The following ZBTB38 variants were observed in gnomAD, a reference collection of about 807,000 sequenced individuals.
ZBTB38 encodes the protein zinc finger and BTB domain-containing protein 38.
ZBTB38 carries 20 observed loss-of-function variants against 76.8 expected under a neutral mutation model. The ratio of observed to expected loss-of-function variants is 0.26; its 90% CI spans 0.18 to 0.38. The LOEUF (loss-of-function observed/expected upper bound fraction) is 0.38. Among genes scored for constraint, ZBTB38 ranks in the 10% least tolerant of loss-of-function variants. ZBTB38 has a pLI of 1.00. For missense variants in ZBTB38, 1,082 were observed against 1,482.3 expected, an observed-to-expected ratio of 0.73 and a Z score of 4.43; for synonymous variants, 504 against 544.2, an observed-to-expected ratio of 0.93 and a Z score of 1.03.
intron 1 of ZBTB38, among the ~76,000 whole-genome samples, chr3:141,347,339 C>T (rs995211858): frequency 3.9e-5 from 6 of 152,108 alleles, no homozygotes; most frequent in African/African-American, 1.4e-4. Context: ...CTCATTTGAA[C>T]CTGATCTGAA....
At chr3:141,352,168 T>A (rs1011887958) in intron 1 of ZBTB38, among the ~76,000 whole-genome samples, 1 of 152,126 alleles carries the variant, frequency 6.6e-6, no homozygotes, top group Non-Finnish European at 1.5e-5. Flanking sequence ...ATAATTTTTT[T>A]ATATATCAAG....
intron 5 of ZBTB38, among the ~76,000 whole-genome samples, chr3:141,428,398 C>T (rs1300663930): frequency 6.6e-6 from 1 of 152,192 alleles, no homozygotes; most frequent in Non-Finnish European, 1.5e-5. Flanking sequence ...GCTCAGTTAC[C>T]ACATCTGTAC....
intron 1 of ZBTB38, among the ~76,000 whole-genome samples, chr3:141,331,405 AC>A (rs1462622171): frequency 6.6e-6 from 1 of 152,208 alleles, no homozygotes. Context: ...CTAATATGTC[AC>A]CATCAAATTG....
intron 3 of ZBTB38, chr3:141,386,327 T>G (rs1042583812): frequency 2.6e-5 from 4 of 152,208 alleles, no homozygotes; most frequent in Non-Finnish European, 5.9e-5. Flanking sequence ...TTTTAAAAAA[T>G]CCATTCACAT....
At chr3:141,338,747 T>G (rs1576642844) in intron 1 of ZBTB38, among the ~76,000 whole-genome samples, 1 of 152,116 alleles carries the variant, frequency 6.6e-6, no homozygotes, top group African/African-American at 2.4e-5. Flanking sequence ...CCCTGTGACA[T>G]GCAATTTGCC....
At chr3:141,378,154 G>T (rs1464643843) in intron 2 of ZBTB38, among the ~76,000 whole-genome samples, 1 of 151,146 alleles carries the variant, frequency 6.6e-6, no homozygotes, top group African/African-American at 2.5e-5. Flanking sequence ...CCCCCAGCCT[G>T]GGTGACAGAG....
At chr3:141,434,426 T>G in intron 5 of ZBTB38, among the ~76,000 whole-genome samples, 2 of 150,972 alleles carry the variant, frequency 1.3e-5, no homozygotes, top group South Asian at 2.1e-4. Context: ...TTGTAGGGAG[T>G]GGGGAGGCTA....
Position 141,445,836 on chromosome 3 carries a change from A to C in ZBTB38, c.3448A>C (p.Lys1150Gln). The change falls in exon 6 of 6, where the codon AAA becomes CAA. Residue 1150 changes from lysine (K) to glutamine (Q), a missense_variant. By Grantham distance (53) the Lys-to-Gln change is moderately conservative. Around this residue, in one of 8 missense-constraint regions of ZBTB38, gnomAD observed 54 missense variants for 57.9 expected, o/e 0.93. Coordinates refer to ENST00000321464, the MANE Select transcript of ZBTB38 (RefSeq NM_001376113.1). The surrounding 1 kb of genome is among the most constrained non-coding windows in gnomAD (Gnocchi z 6.5). The stretch of plus-strand genomic sequence containing the variant: ...AATGCACCAAAAGAAACACTTATTC[A>C]AAAGCCCAAGTCAGCAGGAGAAAAT... ...LGMHQKKHLF[K>Q]SPSQQEKIGD... 6.2e-7 allele frequency: 1 copy of C among 1,614,158 alleles called. No individual in the cohort carries two copies. The highest frequency in any genetic ancestry group is 8.5e-7 in the Non-Finnish European group (1 of 1,180,048).
intron 5 of ZBTB38, chr3:141,427,759 A>AGCC (rs2076674522): frequency 2.0e-5 from 3 of 152,368 alleles, no homozygotes; most frequent in African/African-American, 7.2e-5. Flanking sequence ...CCTGACCGGC[A>AGCC]GGTCCCTAGC....
At chr3:141,381,872 G>C (rs944540158) in intron 3 of ZBTB38, among the ~76,000 whole-genome samples, 1 of 152,148 alleles carries the variant, frequency 6.6e-6, no homozygotes, top group Non-Finnish European at 1.5e-5. Flanking sequence ...GAAGGGACCT[G>C]AGACAGAGGC....
chr3:141,408,923 A>T (rs532503625), intron 5 of ZBTB38, among the ~76,000 whole-genome samples: 1 of 152,344 alleles, frequency 6.6e-6, no homozygotes, highest in East Asian at 1.9e-4. Flanking sequence ...TCATGGAGTT[A>T]GGTCTGTACC....
chr3:141,425,233 C>T (rs939916880), intron 5 of ZBTB38, among the ~76,000 whole-genome samples: 1 of 152,148 alleles, frequency 6.6e-6, no homozygotes, highest in Non-Finnish European at 1.5e-5. Flanking sequence ...CAATGCTTTG[C>T]GAGTCTCTCA....
At chr3:141,434,055 C>A in intron 5 of ZBTB38, 1 of 284,168 alleles carries the variant, frequency 3.5e-6, no homozygotes, top group Non-Finnish European at 5.3e-6. Context: ...GTCATGCCTA[C>A]AGGTGCAGGG....
rs575381727 is a variant in ZBTB38 at position 141,401,385 on chromosome 3, T to C, written c.-105-2542T>C. Among the ~76,000 whole-genome samples, 21 of 152,282 alleles carry C rather than the reference T, an allele frequency of 1.4e-4. No homozygotes were observed. In the East Asian group the frequency reaches 3.9e-3, roughly 28 times the overall value. On this transcript the variant is annotated intron_variant, in intron 4 of 5. Coordinates refer to ENST00000321464, the MANE Select transcript of ZBTB38 (RefSeq NM_001376113.1). ...TGTCGGCCTTCAAAACTCTTCCTTT[T>C]ATTTTTAAATAACATGATTATTTAA...
intron 2 of ZBTB38, among the ~76,000 whole-genome samples, chr3:141,370,604 TGACA>T (rs1215274676): frequency 1.3e-5 from 2 of 152,268 alleles, no homozygotes; most frequent in Admixed American, 1.3e-4. Context: ...TTTTCCTGAC[TGACA>T]CTCTTAGGTA....
chr3:141,438,544 T>C (rs2150821104), intron 5 of ZBTB38, among the ~76,000 whole-genome samples: 1 of 152,288 alleles, frequency 6.6e-6, no homozygotes, highest in Middle Eastern at 3.4e-3. Context: ...CTTTATTAGC[T>C]GGGAAGTGGA....
At chr3:141,418,371 C>G (rs2074558666) in intron 5 of ZBTB38, among the ~76,000 whole-genome samples, 1 of 152,206 alleles carries the variant, frequency 6.6e-6, no homozygotes. Flanking sequence ...GCCTTTTTCC[C>G]TCTTGGATTC....
In ZBTB38 at chr3:141,443,162, G is replaced by A. The variant is rs376527786; in HGVS notation, c.774G>A (p.Ala258=). Residue 258 remains alanine (A), a synonymous_variant, in exon 6 of 6, where the codon GCG becomes GCA. Coordinates refer to ENST00000321464, the MANE Select transcript of ZBTB38 (RefSeq NM_001376113.1). This position sits in a 1 kb window ranked among gnomAD's most constrained non-coding sequence, Gnocchi z 5.6. ...AAGAAAATTGTGAAGCCCTTGCAGC[G>A]AAACCGAAAACATGCCGGAAGCCAA... The part of the protein sequence containing the change: ...TGKENCEALA[A]KPKTCRKPKT... 113 of 1,614,060 alleles carry A rather than the reference G, an allele frequency of 7.0e-5. No individual in the cohort carries two copies. The highest frequency in any genetic ancestry group is 3.3e-4 in the Middle Eastern group (2 of 6,084).
rs1334119676 is a variant in ZBTB38, at chr3:141,405,171, C to T, written c.-1+1140C>T. 3.3e-5 allele frequency among the ~76,000 whole-genome samples: 5 copies of T among 152,206 alleles called. No homozygotes were observed. In the East Asian group the frequency reaches 7.7e-4, roughly 23 times the overall value. ...AGGCACTTGGGTACTCAAGACCAGA[C>T]AGATTTGTTTTTACAATCATATTAG... On this transcript the variant is annotated intron_variant, in intron 5 of 5. Transcript: ENST00000321464.
Sources: gnomAD v4.1 joint callset for allele counts (sites outside exome capture counted in the v4.1 genomes callset) on GRCh38, gnomAD v4.1.1 for gene constraint, gnomAD v4.1.1 regional missense constraint, Gnocchi (gnomAD v3.1) non-coding constraint, MANE v1.5 for transcripts, NCBI Gene and HGNC (gene_info 2026-07-23, HGNC 2026-07-21) for gene names.